TUSC3: variants seen among roughly 807,000 people sequenced by gnomAD.
TUSC3 encodes the protein dolichyl-diphosphooligosaccharide--protein glycosyltransferase subunit TUSC3.
Under a neutral mutation model 44.8 loss-of-function variants are expected in TUSC3, and 45 were observed. The observed-to-expected ratio is 1.00, with a 90% CI of 0.79 to 1.29. The LOEUF (loss-of-function observed/expected upper bound fraction) is 1.29. Ranked by LOEUF, TUSC3 falls within the 50% of genes most tolerant of loss-of-function variation. The pLI is 0.00. For missense variants in TUSC3, 519 were observed against 437.9 expected, an observed-to-expected ratio of 1.19 and a Z score of -1.65; for synonymous variants, 212 against 152.9, an observed-to-expected ratio of 1.39 and a Z score of -2.85.
chr8:15,821,823 A>G, the TUSC3 span, among the ~76,000 whole-genome samples: 1 of 152,142 alleles, frequency 6.6e-6, no homozygotes, highest in African/African-American at 2.4e-5. Flanking sequence ...GTAATTAGCA[A>G]AAGGATTGGA....
chr8:15,553,495 G>A (rs1328615444), intron 1 of TUSC3, among the ~76,000 whole-genome samples: 1 of 97,310 alleles, frequency 1.0e-5, no homozygotes, highest in African/African-American at 3.9e-5. Context: ...TTTGCTGCTG[G>A]AGGAGCTTAC....
At chr8:15,595,919 C>G (rs547721344) in intron 1 of TUSC3, among the ~76,000 whole-genome samples, 8 of 152,226 alleles carry the variant, frequency 5.3e-5, no homozygotes, top group South Asian at 2.1e-4. Context: ...GCCATAGGAA[C>G]TTAGTGATTT....
At chr8:15,843,938 G>C in the TUSC3 span, among the ~76,000 whole-genome samples, 2 of 152,040 alleles carry the variant, frequency 1.3e-5, no homozygotes, top group Non-Finnish European at 2.9e-5. Flanking sequence ...TTTGTGTTTG[G>C]AAACTCAGTC....
chr8:15,764,348 G>C lies in TUSC3; in HGVS notation c.*192G>C. 1.1e-6 allele frequency: 1 copy of C among 930,806 alleles called. No individual in the cohort carries two copies. Among genetic ancestry groups the C allele is most frequent in the Non-Finnish European group, 1.6e-6 (1 of 617,710 alleles). The allele number at this position is 930,806 out of a possible 1,614,324, so 57.7% of individuals were successfully genotyped here. A position where few individuals can be genotyped will look rare whatever the true frequency, so the allele number is the denominator to read the frequency against. ...TTCTTGTGTACTTTTTTTAAACTGT[G>C]GGTTTTCCTAGTAAATTTAATTTAC... On this transcript the variant is annotated 3_prime_UTR_variant, in exon 11 of 11. Coordinates refer to ENST00000503731, the MANE Select transcript of TUSC3 (RefSeq NM_006765.4).
intron 2 of TUSC3, among the ~76,000 whole-genome samples, chr8:15,510,002 T>G (rs1801110742): frequency 6.6e-6 from 1 of 152,162 alleles, no homozygotes; most frequent in East Asian, 1.9e-4. Flanking sequence ...AGACCTCATC[T>G]CTACAAAAAA....
At chr8:15,506,139 G>C (rs959897408) in intron 2 of TUSC3, among the ~76,000 whole-genome samples, 2 of 152,100 alleles carry the variant, frequency 1.3e-5, no homozygotes, top group African/African-American at 4.8e-5. Context: ...CATCATACCA[G>C]AACACACAGT....
At chr8:15,622,491 C>G (rs1805294576) in intron 1 of TUSC3, among the ~76,000 whole-genome samples, 1 of 152,132 alleles carries the variant, frequency 6.6e-6, no homozygotes, top group Non-Finnish European at 1.5e-5. Context: ...TCCCTAGGAA[C>G]AGAATATTAC....
intron 6 of TUSC3, among the ~76,000 whole-genome samples, chr8:15,697,576 T>C (rs1170169159): frequency 5.8e-4 from 88 of 152,228 alleles, no homozygotes; most frequent in Admixed American, 5.7e-3. Context: ...ATCAGAATTG[T>C]ATTCATCTTT....
chr8:15,548,455 A>G (rs1471393991), intron 1 of TUSC3, among the ~76,000 whole-genome samples: 1 of 151,784 alleles, frequency 6.6e-6, no homozygotes, highest in African/African-American at 2.4e-5. Flanking sequence ...AAGGACGGGA[A>G]ATTTTCTCAT....
At chr8:15,596,333 G>T (rs1345290467) in intron 1 of TUSC3, among the ~76,000 whole-genome samples, 1 of 152,194 alleles carries the variant, frequency 6.6e-6, no homozygotes, top group Non-Finnish European at 1.5e-5. Context: ...TGCCGTGTAA[G>T]AGTAGTACAG....
intron 2 of TUSC3, among the ~76,000 whole-genome samples, chr8:15,648,902 G>C (rs1384934299): frequency 6.6e-6 from 1 of 151,900 alleles, no homozygotes; most frequent in Non-Finnish European, 1.5e-5. Context: ...TGTGAGACTT[G>C]GGGGATAGAG....
intron 1 of TUSC3, among the ~76,000 whole-genome samples, chr8:15,621,449 C>A (rs1192893703): frequency 6.7e-6 from 1 of 149,324 alleles, no homozygotes; most frequent in Non-Finnish European, 1.5e-5. Flanking sequence ...GATAAGTTAT[C>A]ATTTTCAGTT....
chr8:15,745,358 T>TGTTAA (rs993467557), intron 8 of TUSC3, among the ~76,000 whole-genome samples: 2 of 152,120 alleles, frequency 1.3e-5, no homozygotes, highest in African/African-American at 2.4e-5. Context: ...GGTAGCACTG[T>TGTTAA]GTTAAGTTTT....
At chr8:15,774,356 T>C in the TUSC3 span, among the ~76,000 whole-genome samples, 2 of 152,028 alleles carry the variant, frequency 1.3e-5, no homozygotes, top group Non-Finnish European at 2.9e-5. Flanking sequence ...ATAAGAATGC[T>C]CCTAATCCAG....
chr8:15,723,971 ATGT>A (rs1810403343), intron 6 of TUSC3, among the ~76,000 whole-genome samples: 1 of 152,140 alleles, frequency 6.6e-6, no homozygotes, highest in Non-Finnish European at 1.5e-5. Context: ...TAAAAGTCAG[ATGT>A]TGAAGCCTTA....
rs1054428228 is a variant in TUSC3, at chr8:15,533,204, C to T, written n.189+49721C>T. Among the ~76,000 whole-genome samples the T allele has an allele frequency of 9.9e-5, 15 of 152,184 alleles. No homozygotes were observed. The South Asian group carries it at 1.0e-3, about 11-fold the overall frequency. On this transcript the variant is annotated intron_variant and non_coding_transcript_variant, in intron 2 of 5. Coordinates refer to the TUSC3 transcript ENST00000503191. ...CCTTCTGCCATAATTGTGAGGCCTC[C>T]GCAGCCACATGGAACTGTAAGTCCA...
intron 2 of TUSC3, among the ~76,000 whole-genome samples, chr8:15,640,623 A>C (rs965112518): frequency 6.6e-5 from 10 of 152,252 alleles, no homozygotes; most frequent in African/African-American, 2.2e-4. Context: ...AACTAGGGAC[A>C]AAAAGAAACC....
At chr8:15,630,420 T>C (rs907254606) in intron 2 of TUSC3, among the ~76,000 whole-genome samples, 1 of 152,138 alleles carries the variant, frequency 6.6e-6, no homozygotes, top group African/African-American at 2.4e-5. Flanking sequence ...TGTAAACTAT[T>C]GGGGACGCTA....
chr8:15,446,042 T>G (rs1387627966), intron 1 of TUSC3, among the ~76,000 whole-genome samples: 4 of 150,212 alleles, frequency 2.7e-5, no homozygotes, highest in African/African-American at 9.9e-5. Flanking sequence ...GGCTCCTCAC[T>G]TCTCAGAAGG....
Sources: allele counts gnomAD v4.1 joint callset (sites outside exome capture counted in the v4.1 genomes callset), GRCh38; gene constraint gnomAD v4.1.1; transcripts MANE v1.5; gene names NCBI Gene and HGNC (gene_info 2026-07-23, HGNC 2026-07-21).